Variants in THTPA observed in about 807,000 individuals in gnomAD.
THTPA encodes the protein thiamine triphosphatase.
A neutral mutation model predicts 16.5 loss-of-function variants in THTPA; 16 were observed. The ratio of observed to expected loss-of-function variants is 0.97; its 90% confidence interval spans 0.66 to 1.47. The LOEUF (loss-of-function observed/expected upper bound fraction) is 1.47. THTPA is among the 40% of genes most tolerant of loss of function. The pLI, the probability that THTPA is intolerant of heterozygous loss-of-function variation, is 0.00. For missense variants in THTPA, 281 were observed against 280.9 expected, an observed-to-expected ratio of 1.00 and a Z score of 0.00; for synonymous variants, 110 against 115.5, an observed-to-expected ratio of 0.95 and a Z score of 0.30.
the THTPA span, among the ~76,000 whole-genome samples, chr14:23,546,702 T>C: frequency 6.6e-6 from 1 of 152,120 alleles, no homozygotes; most frequent in South Asian, 2.1e-4. This position sits in a 1 kb window ranked among gnomAD's most constrained non-coding sequence, Gnocchi z 4.7. Flanking sequence ...CTGACCGAGC[T>C]TAGTGTGAGG....
chr14:23,534,145 G>C, the THTPA span: 7 of 1,473,402 alleles, frequency 4.8e-6, no homozygotes, highest in African/African-American at 4.2e-5. The surrounding 1 kb of genome is among the most constrained non-coding windows in gnomAD (Gnocchi z 4.5). Flanking sequence ...CTTGGAGGTG[G>C]GTGAGCTTTG....
At chr14:23,531,423 C>T in the THTPA span, 25 of 1,352,240 alleles carry the variant, frequency 1.8e-5, no homozygotes, top group Admixed American at 3.2e-5. Context: ...CCCCCCTGCT[C>T]CCCACATCCT....
chr14:23,525,695 G>A, the THTPA span: 1 of 1,526,280 alleles, frequency 6.6e-7, no homozygotes, highest in South Asian at 1.2e-5. The surrounding 1 kb of genome is among the most constrained non-coding windows in gnomAD (Gnocchi z 5.9). Context: ...ACCCTCTTTG[G>A]CCATGGGGGG....
At chr14:23,534,323 G>A in the THTPA span, 1 of 1,536,344 alleles carries the variant, frequency 6.5e-7, no homozygotes, top group South Asian at 1.2e-5. The surrounding 1 kb of genome is among the most constrained non-coding windows in gnomAD (Gnocchi z 4.5). Flanking sequence ...TCATCCAGGA[G>A]GATAAGGGCC....
chr14:23,547,298 T>C, the THTPA span, among the ~76,000 whole-genome samples: 1 of 152,260 alleles, frequency 6.6e-6, no homozygotes, highest in Non-Finnish European at 1.5e-5. Context: ...TGGCTTGGGA[T>C]AGGTGTTTAG....
At chr14:23,535,527 G>A in the THTPA span, among the ~76,000 whole-genome samples, 1 of 152,058 alleles carries the variant, frequency 6.6e-6, no homozygotes, top group Non-Finnish European at 1.5e-5. The surrounding 1 kb of genome is among the most constrained non-coding windows in gnomAD (Gnocchi z 4.5). Flanking sequence ...TGTCTAACAT[G>A]CTTCAAAACT....
chr14:23,527,489 T>C, the THTPA span: 6 of 1,357,808 alleles, frequency 4.4e-6, no homozygotes, highest in East Asian at 7.5e-5. Context: ...CGCACTTGCC[T>C]GAATGCCCCC....
chr14:23,534,482 C>T, the THTPA span: 2 of 1,536,284 alleles, frequency 1.3e-6, no homozygotes, highest in South Asian at 1.2e-5. This position sits in a 1 kb window ranked among gnomAD's most constrained non-coding sequence, Gnocchi z 4.5. Flanking sequence ...CAGCCTTCAT[C>T]TCCCTCCTGG....
chr14:23,546,307 C>A, the THTPA span, among the ~76,000 whole-genome samples: 1 of 152,156 alleles, frequency 6.6e-6, no homozygotes, highest in African/African-American at 2.4e-5. The surrounding 1 kb of genome is among the most constrained non-coding windows in gnomAD (Gnocchi z 4.7). Flanking sequence ...TGTGTTCCTG[C>A]CAAATACAGA....
At chr14:23,535,462 T>G in the THTPA span, 1 of 1,138,178 alleles carries the variant, frequency 8.8e-7, no homozygotes, top group African/African-American at 1.5e-5. This position sits in a 1 kb window ranked among gnomAD's most constrained non-coding sequence, Gnocchi z 4.5. Context: ...TGCCCCATCC[T>G]CTTCCCTGAA....
the THTPA span, chr14:23,531,866 C>T: frequency 1.8e-5 from 20 of 1,100,266 alleles, no homozygotes; most frequent in Non-Finnish European, 1.8e-5. Context: ...AAGCCTCTAC[C>T]TCCTGGGTTC....
At chr14:23,535,044 C>T in the THTPA span, 1 of 1,536,226 alleles carries the variant, frequency 6.5e-7, no homozygotes, top group South Asian at 1.2e-5. This position sits in a 1 kb window ranked among gnomAD's most constrained non-coding sequence, Gnocchi z 4.5. Context: ...GCTCCTTGTC[C>T]TTTTCCACCC....
chr14:23,520,394 C>CG, the THTPA span, among the ~76,000 whole-genome samples: 1,402 of 115,830 alleles, frequency 0.012, 12 homozygotes, highest in Middle Eastern at 0.029. The surrounding 1 kb of genome is among the most constrained non-coding windows in gnomAD (Gnocchi z 8.7). Flanking sequence ...GGTGGGCCTC[C>CG]AGGGGGGCAG....
At chr14:23,527,029 A>T in the THTPA span, 1 of 1,448,002 alleles carries the variant, frequency 6.9e-7, no homozygotes, top group Non-Finnish European at 9.0e-7. Context: ...CCCCTATGCC[A>T]CTCCTGACCC....
At position 23,559,955 on chromosome 14, in the gene THTPA, T is replaced by A; in HGVS notation, c.*1115T>A. On this transcript the variant is annotated 3_prime_UTR_variant, in exon 2 of 2. Coordinates refer to ENST00000288014, the MANE Select transcript of THTPA (RefSeq NM_024328.6). ...AAGCTCACCTTGTTAGGATTGAGGA[T>A]TCTGAAGAGCTGGGTGATAGGAAGG... is the stretch of plus-strand genomic sequence containing the variant. The A allele has an allele frequency of 6.8e-6, 11 of 1,613,324 alleles. No individual in the cohort carries two copies. The highest frequency in any genetic ancestry group is 9.3e-6 in the Non-Finnish European group (11 of 1,179,492).
At chr14:23,551,658 T>TCCTCCTCCTCCTCCTTCTCCTCCTCGC, upstream of THTPA, 1 of 154,844 alleles carries the variant, frequency 6.5e-6, no homozygotes, top group African/African-American at 2.4e-5. This position sits in a 1 kb window ranked among gnomAD's most constrained non-coding sequence, Gnocchi z 5.3. Flanking sequence ...CCCTGCCTCC[T>TCCTCCTCCTCCTCCTTCTCCTCCTCGC]CCTCCTCCTC....
At chr14:23,535,324 A>T in the THTPA span, 5 of 1,454,558 alleles carry the variant, frequency 3.4e-6, no homozygotes, top group Non-Finnish European at 4.5e-6. This position sits in a 1 kb window ranked among gnomAD's most constrained non-coding sequence, Gnocchi z 4.5. Flanking sequence ...AAGGGTGGCC[A>T]TGGTAGACGG....
At chr14:23,546,828 C>T in the THTPA span, among the ~76,000 whole-genome samples, 3 of 152,200 alleles carry the variant, frequency 2.0e-5, no homozygotes, top group Non-Finnish European at 4.4e-5. This position sits in a 1 kb window ranked among gnomAD's most constrained non-coding sequence, Gnocchi z 4.7. Context: ...AACTCCGTGG[C>T]GGTGGCTGAC....
At chr14:23,554,032 C>T (rs1882161083), upstream of THTPA, among the ~76,000 whole-genome samples, 1 of 107,148 alleles carries the variant, frequency 9.3e-6, no homozygotes, top group African/African-American at 3.9e-5. Context: ...GAGTGAGACT[C>T]TGTCTCAAAA....
Sources: allele counts gnomAD v4.1 joint callset (sites outside exome capture counted in the v4.1 genomes callset), GRCh38; gene constraint gnomAD v4.1.1; non-coding constraint Gnocchi (gnomAD v3.1); transcripts MANE v1.5; gene names NCBI Gene and HGNC (gene_info 2026-07-23, HGNC 2026-07-21).